ZFAND6: variants seen among roughly 807,000 people sequenced by gnomAD.
ZFAND6 encodes the protein zinc finger AN1-type containing 6.
Under a neutral mutation model 24.5 loss-of-function variants are expected in ZFAND6, and 12 were observed. The ratio of observed to expected loss-of-function variants is 0.49; its 90% CI spans 0.31 to 0.79. The LOEUF is 0.79. Ranked by LOEUF, ZFAND6 falls within the 30% of genes least tolerant of loss-of-function variation. ZFAND6 has a pLI of 0.04. For synonymous variants in ZFAND6, 92 were observed against 81.5 expected, an observed-to-expected ratio of 1.13 and a Z score of -0.69; for missense variants, 207 against 245.9, an observed-to-expected ratio of 0.84 and a Z score of 1.06.
At chr15:80,099,500 T>C (rs375921598) in intron 2 of ZFAND6, among the ~76,000 whole-genome samples, 1 of 152,198 alleles carries the variant, frequency 6.6e-6, no homozygotes, top group Non-Finnish European at 1.5e-5. Flanking sequence ...ATGAAATTAC[T>C]TTCTCTTTCA....
chr15:80,084,364 A>G (rs922669914), intron 1 of ZFAND6, among the ~76,000 whole-genome samples: 18 of 152,252 alleles, frequency 1.2e-4, no homozygotes, highest in African/African-American at 2.7e-4. Flanking sequence ...GGGATGCTCA[A>G]CTGTTAAGTA....
chr15:80,100,491 A>G (rs553048769), intron 2 of ZFAND6, among the ~76,000 whole-genome samples: 1,992 of 128,002 alleles, frequency 0.016, 36 homozygotes, highest in African/African-American at 0.055. Flanking sequence ...TCTCTCTGAG[A>G]TGATTCTCTG....
chr15:80,097,181 G>A lies in ZFAND6; in HGVS notation c.-180-1235G>A, dbSNP rs1173989977. Among the ~76,000 whole-genome samples, 4 of 151,666 alleles carry A rather than the reference G, an allele frequency of 2.6e-5. No homozygotes were observed. In the East Asian group the frequency reaches 5.9e-4, roughly 22 times the overall value. ...TGCCCTGCTAATTTTTGTGTTATTT[G>A]TAGAGACGGGGTTTCACCATGTTGG... On this transcript the variant is annotated intron_variant, in intron 1 of 6. Transcript: ENST00000261749.
intron 1 of ZFAND6, among the ~76,000 whole-genome samples, chr15:80,084,246 C>G (rs554781627): frequency 2.0e-5 from 3 of 151,838 alleles, no homozygotes; most frequent in African/African-American, 7.3e-5. Context: ...GTCGATCATC[C>G]CAAATTCGAA....
chr15:80,098,275 G>A (rs772652588), intron 1 of ZFAND6, 141 bp from the exon 2 acceptor site: 6 of 152,178 alleles, frequency 3.9e-5, no homozygotes. Context: ...CAATTGGAAT[G>A]TTTTTATTTT....
intron 1 of ZFAND6, among the ~76,000 whole-genome samples, chr15:80,066,048 C>G (rs2036612544): frequency 6.6e-6 from 1 of 152,070 alleles, no homozygotes; most frequent in Non-Finnish European, 1.5e-5. Context: ...ATTTAAGCAC[C>G]TGCTCCATCT....
intron 5 of ZFAND6, 74 bp from the exon 6 acceptor site, chr15:80,131,106 C>A: frequency 9.0e-7 from 1 of 1,111,210 alleles, no homozygotes; most frequent in Non-Finnish European, 1.3e-6. Flanking sequence ...GAATAATAGA[C>A]TAGGGAGGGT....
intron 1 of ZFAND6, among the ~76,000 whole-genome samples, chr15:80,064,367 A>G (rs1436113577): frequency 6.6e-6 from 1 of 152,128 alleles, no homozygotes; most frequent in African/African-American, 2.4e-5. Flanking sequence ...CTGTCTATCC[A>G]TCTACCCTCC....
chr15:80,125,116 T>G (rs1409363495), intron 5 of ZFAND6, among the ~76,000 whole-genome samples: 2 of 152,196 alleles, frequency 1.3e-5, no homozygotes, highest in Non-Finnish European at 2.9e-5. Context: ...TTTGAGTCAG[T>G]CATATGGTCA....
chr15:80,113,635 C>T (rs965004593), intron 2 of ZFAND6, among the ~76,000 whole-genome samples: 3 of 152,046 alleles, frequency 2.0e-5, no homozygotes, highest in Non-Finnish European at 4.4e-5. Flanking sequence ...GTTTTCTCCC[C>T]TTTTCAACAG....
At chr15:80,068,750 G>T (rs1429793451) in intron 1 of ZFAND6, among the ~76,000 whole-genome samples, 3 of 152,174 alleles carry the variant, frequency 2.0e-5, no homozygotes, top group Non-Finnish European at 4.4e-5. Flanking sequence ...GAGCCACCGT[G>T]CCCAGCCAAT....
At chr15:80,074,841 G>C (rs546841712) in intron 1 of ZFAND6, among the ~76,000 whole-genome samples, 4 of 151,942 alleles carry the variant, frequency 2.6e-5, no homozygotes, top group Non-Finnish European at 5.9e-5. Flanking sequence ...TAACGTTCTA[G>C]AATAAACTTA....
chr15:80,093,421 C>T (rs930778813), intron 1 of ZFAND6, among the ~76,000 whole-genome samples: 4 of 151,898 alleles, frequency 2.6e-5, no homozygotes, highest in African/African-American at 4.8e-5. Context: ...TTCAAATAAT[C>T]GGAAAACATG....
At chr15:80,069,219 A>G (rs956778933) in intron 1 of ZFAND6, among the ~76,000 whole-genome samples, 13 of 152,140 alleles carry the variant, frequency 8.5e-5, no homozygotes, top group African/African-American at 3.1e-4. Context: ...ATGATCTATG[A>G]TATGTTGTTT....
chr15:80,095,736 T>C (rs2038681644), intron 1 of ZFAND6, among the ~76,000 whole-genome samples: 1 of 152,238 alleles, frequency 6.6e-6, no homozygotes, highest in South Asian at 2.1e-4. Context: ...TATACACTGT[T>C]TCAAGTTCTG....
At chr15:80,089,068 G>A (rs2038176497) in intron 1 of ZFAND6, among the ~76,000 whole-genome samples, 2 of 151,412 alleles carry the variant, frequency 1.3e-5, no homozygotes, top group South Asian at 2.1e-4. Context: ...ACATTGTTTC[G>A]GGCCCTTTTC....
At chr15:80,064,292 T>C (rs563097666) in intron 1 of ZFAND6, among the ~76,000 whole-genome samples, 5 of 152,332 alleles carry the variant, frequency 3.3e-5, no homozygotes, top group African/African-American at 1.2e-4. Context: ...CATCAAACTT[T>C]AATATCAAAT....
At chr15:80,119,533 A>G (rs1319272629) in intron 2 of ZFAND6, among the ~76,000 whole-genome samples, 1 of 152,132 alleles carries the variant, frequency 6.6e-6, no homozygotes, top group Non-Finnish European at 1.5e-5. Flanking sequence ...AAAATATTCT[A>G]AAATATTTTT....
intron 5 of ZFAND6, 104 bp downstream of exon 5, chr15:80,122,904 TCTG>T: frequency 1.4e-6 from 1 of 723,076 alleles, no homozygotes; most frequent in Admixed American, 2.9e-5. Flanking sequence ...TACATGTTTT[TCTG>T]TTTTCCCTAT....
Sources: allele counts gnomAD v4.1 joint callset (sites outside exome capture counted in the v4.1 genomes callset), GRCh38; gene constraint gnomAD v4.1.1; transcripts MANE v1.5; gene names NCBI Gene and HGNC (gene_info 2026-07-23, HGNC 2026-07-21).